Variants in SLC4A7 observed in about 807,000 individuals in gnomAD.
SLC4A7 encodes solute carrier family 4 member 7.
SLC4A7 carries 51 observed loss-of-function variants against 137.6 expected under a neutral mutation model. The observed-to-expected ratio is 0.37, with a 90% CI of 0.30 to 0.47. SLC4A7 has a LOEUF of 0.47. Ranked by LOEUF, SLC4A7 falls within the 20% of genes least tolerant of loss-of-function variation. The pLI, the probability that SLC4A7 is intolerant of heterozygous loss-of-function variation, is 1.00. For synonymous variants in SLC4A7, 542 were observed against 518.6 expected, an observed-to-expected ratio of 1.05 and a Z score of -0.61; for missense variants, 1,247 against 1,525.4, an observed-to-expected ratio of 0.82 and a Z score of 3.04.
At chr3:27,409,588 A>G (rs1218892751) in intron 12 of SLC4A7, 58 bp from the exon 13 acceptor site, 1 of 1,379,340 alleles carries the variant, frequency 7.2e-7, no homozygotes, top group East Asian at 2.3e-5. Context: ...AGCTACTTCA[A>G]ACTAAAACTA....
chr3:27,474,094 CTA>C (rs1377603330), intron 1 of SLC4A7, among the ~76,000 whole-genome samples: 2 of 152,168 alleles, frequency 1.3e-5, no homozygotes, highest in Non-Finnish European at 2.9e-5. Flanking sequence ...TTTCTATACT[CTA>C]GAGACTAAAT....
chr3:27,395,492 T>C (rs1251064102), intron 18 of SLC4A7, among the ~76,000 whole-genome samples: 1 of 152,196 alleles, frequency 6.6e-6, no homozygotes, highest in Non-Finnish European at 1.5e-5. Flanking sequence ...CCTGAGATTA[T>C]TACGCTGTCG....
intron 12 of SLC4A7, among the ~76,000 whole-genome samples, chr3:27,410,644 C>T (rs2053813379): frequency 6.6e-6 from 1 of 152,110 alleles, no homozygotes; most frequent in East Asian, 1.9e-4. Flanking sequence ...TAATAGAGGG[C>T]ATACAGATGC....
In SLC4A7 at chr3:27,436,512, A is replaced by C. The variant is rs2056750198; in HGVS notation, c.465T>G (p.Gly155=). Residue 155 remains glycine, a synonymous_variant, in exon 5 of 26, where the codon GGT becomes GGG. Coordinates refer to ENST00000454389, the MANE Select transcript of SLC4A7 (RefSeq NM_001321103.2). ...CCACATAAGGTTTACTCCATCGGTC[A>C]CCGCCATCTTCAACATCCTCTTCAA... The part of the protein sequence containing the change: ...LKFEEDVEDG[G]DRWSKPYVAT... 1 of 1,612,508 alleles carries C rather than the reference A, an allele frequency of 6.2e-7. No homozygotes were observed. The highest frequency in any genetic ancestry group is 8.5e-7 in the Non-Finnish European group (1 of 1,179,084).
chr3:27,407,437 G>A (rs1238259774), intron 13 of SLC4A7, among the ~76,000 whole-genome samples: 8 of 148,304 alleles, frequency 5.4e-5, no homozygotes, highest in Non-Finnish European at 1.0e-4. Flanking sequence ...CTGAGATCGC[G>A]CCACTGCACT....
chr3:27,397,392 G>A (rs1214870222), intron 18 of SLC4A7, among the ~76,000 whole-genome samples: 1 of 150,960 alleles, frequency 6.6e-6, no homozygotes, highest in Non-Finnish European at 1.5e-5. Flanking sequence ...AGGTAGGAGA[G>A]CAAAGACTTT....
intron 3 of SLC4A7, among the ~76,000 whole-genome samples, chr3:27,438,111 C>A (rs578195540): frequency 6.6e-6 from 1 of 151,108 alleles, no homozygotes; most frequent in Non-Finnish European, 1.5e-5. Context: ...GCAGGAGAAT[C>A]GCTTGAACCT....
chr3:27,421,173 G>C (rs2054931062), intron 9 of SLC4A7, among the ~76,000 whole-genome samples: 2 of 150,136 alleles, frequency 1.3e-5, no homozygotes, highest in Non-Finnish European at 3.0e-5. Context: ...TATATTCAAA[G>C]TATTTGGTAC....
chr3:27,376,877 T>C (rs2049941724), intron 25 of SLC4A7, 32 bp from the exon 26 acceptor site: 3 of 1,128,930 alleles, frequency 2.7e-6, no homozygotes, highest in Non-Finnish European at 3.7e-6. Flanking sequence ...AATAAATAAT[T>C]TTAAAATATA....
chr3:27,463,841 G>A (rs1037187634), intron 1 of SLC4A7, among the ~76,000 whole-genome samples: 1 of 152,050 alleles, frequency 6.6e-6, no homozygotes, highest in Non-Finnish European at 1.5e-5. Flanking sequence ...TGTTCTTTTC[G>A]CCGGCTAAGT....
At chr3:27,400,991 G>T (rs1467402927) in intron 15 of SLC4A7, 122 bp from the exon 16 acceptor site, 8 of 561,714 alleles carry the variant, frequency 1.4e-5, no homozygotes, top group Non-Finnish European at 2.2e-5. Context: ...GAAGCATGGA[G>T]ACTAGAAAGT....
At chr3:27,400,701 G>C in intron 16 of SLC4A7, 63 bp downstream of exon 16, 1 of 938,770 alleles carries the variant, frequency 1.1e-6, no homozygotes, top group South Asian at 1.6e-5. Flanking sequence ...TGTCTGATTA[G>C]AAAAAGCTAA....
At chr3:27,430,652 A>G (rs1167923446) in intron 7 of SLC4A7, among the ~76,000 whole-genome samples, 2 of 151,250 alleles carry the variant, frequency 1.3e-5, no homozygotes, top group Non-Finnish European at 2.9e-5. Flanking sequence ...AGCATGGTGA[A>G]AACATGTCTC....
chr3:27,438,645 A>AAACAAAATAACAAAC (rs2056947092), intron 3 of SLC4A7, among the ~76,000 whole-genome samples: 1 of 148,734 alleles, frequency 6.7e-6, no homozygotes, highest in Admixed American at 6.9e-5. Flanking sequence ...AAATAACATA[A>AAACAAAATAACAAAC]AACAAAATAA....
intron 25 of SLC4A7, among the ~76,000 whole-genome samples, chr3:27,378,095 G>A (rs1005233110): frequency 3.3e-5 from 5 of 152,154 alleles, no homozygotes; most frequent in Admixed American, 3.3e-4. Flanking sequence ...TGTACTGAAT[G>A]ATCCAAAATT....
At chr3:27,482,042 A>G (rs2059733402) in intron 1 of SLC4A7, among the ~76,000 whole-genome samples, 3 of 152,186 alleles carry the variant, frequency 2.0e-5, no homozygotes, top group Admixed American at 2.0e-4. Context: ...CTGAGGCCGA[A>G]GAATCACTTG....
chr3:27,461,207 A>AGC (rs1480516134), intron 1 of SLC4A7, among the ~76,000 whole-genome samples: 50 of 59,332 alleles, frequency 8.4e-4, no homozygotes, highest in African/African-American at 2.9e-3. Context: ...TCATCCAATT[A>AGC]GCACACACAC....
At chr3:27,444,514 G>A (rs2057444980) in intron 3 of SLC4A7, among the ~76,000 whole-genome samples, 1 of 152,016 alleles carries the variant, frequency 6.6e-6, no homozygotes, top group Admixed American at 6.5e-5. Flanking sequence ...CATTCTCTGT[G>A]TTTCATTTTG....
At chr3:27,442,127 C>T (rs2057248560) in intron 3 of SLC4A7, among the ~76,000 whole-genome samples, 1 of 152,052 alleles carries the variant, frequency 6.6e-6, no homozygotes, top group African/African-American at 2.4e-5. Context: ...GGCAGGTGAT[C>T]TGCCTGCCTC....
Sources: allele counts gnomAD v4.1 joint callset (sites outside exome capture counted in the v4.1 genomes callset), GRCh38; gene constraint gnomAD v4.1.1; transcripts MANE v1.5; gene names NCBI Gene and HGNC (gene_info 2026-07-23, HGNC 2026-07-21).